The following CSMD1 variants were observed in gnomAD, a reference collection of about 807,000 sequenced individuals.
CSMD1 encodes CUB and Sushi multiple domains 1, also known as CUB and sushi domain-containing protein 1.
Under a neutral mutation model 417.5 loss-of-function variants are expected in CSMD1, and 213 were observed. The observed-to-expected ratio is 0.51, with a 90% CI of 0.46 to 0.57. The LOEUF is 0.57. Ranked by LOEUF, CSMD1 falls within the 20% of genes least tolerant of loss-of-function variation. CSMD1 has a pLI of 0.00. For missense variants in CSMD1, 6,923 were observed against 4,529.7 expected, an observed-to-expected ratio of 1.53 and a Z score of -15.17; for synonymous variants, 2,862 against 1,736.8, an observed-to-expected ratio of 1.65 and a Z score of -16.11.
At chr8:4,021,309 C>T (rs1384333988) in intron 4 of CSMD1, among the ~76,000 whole-genome samples, 1 of 152,204 alleles carries the variant, frequency 6.6e-6, no homozygotes. Flanking sequence ...ATGAGGTTGA[C>T]AAAATCCATT....
At chr8:3,949,122 T>C (rs1307376613) in intron 5 of CSMD1, among the ~76,000 whole-genome samples, 2 of 152,230 alleles carry the variant, frequency 1.3e-5, no homozygotes, top group African/African-American at 4.8e-5. Context: ...TATAATATTT[T>C]AAAATATGGA....
At chr8:3,500,271 A>T (rs887730125) in intron 10 of CSMD1, among the ~76,000 whole-genome samples, 1 of 152,086 alleles carries the variant, frequency 6.6e-6, no homozygotes, top group Non-Finnish European at 1.5e-5. Flanking sequence ...CCTCTTTGTG[A>T]AGGAGGAAAG....
Position 3,210,938 on chromosome 8 carries a change from C to T in CSMD1, c.4867+3559G>A, listed in dbSNP as rs1039798191. ...CTACTTTTATCTCCCTCACACTAGA[C>T]TCTATATAATTGCTAAAGATATCTG... On this transcript the variant is annotated intron_variant, in intron 30 of 69. Transcript: ENST00000635120. Among the ~76,000 whole-genome samples, 56 of 151,960 alleles carry T rather than the reference C, an allele frequency of 3.7e-4. 2 individuals are homozygous for T. The highest frequency in any genetic ancestry group is 1.4e-3 in the African/African-American group (56 of 41,312).
At chr8:3,807,857 C>A (rs1464640014) in intron 5 of CSMD1, among the ~76,000 whole-genome samples, 1 of 152,106 alleles carries the variant, frequency 6.6e-6, no homozygotes, top group East Asian at 1.9e-4. Flanking sequence ...ACTGTGCTCC[C>A]TTGGGGTAAT....
chr8:4,113,379 A>C (rs1801960974), intron 3 of CSMD1, among the ~76,000 whole-genome samples: 1 of 149,604 alleles, frequency 6.7e-6, no homozygotes, highest in Non-Finnish European at 1.5e-5. Context: ...TCTTCAAGGA[A>C]AATAAAAGGG....
chr8:4,141,141 C>T (rs1390673307), intron 3 of CSMD1, among the ~76,000 whole-genome samples: 1 of 151,128 alleles, frequency 6.6e-6, no homozygotes, highest in African/African-American at 2.5e-5. Context: ...CAAGAGAGCT[C>T]CAATAAGTAA....
At chr8:3,017,183 C>A (rs544161716) in intron 52 of CSMD1, among the ~76,000 whole-genome samples, 1 of 152,170 alleles carries the variant, frequency 6.6e-6, no homozygotes, top group East Asian at 1.9e-4. Flanking sequence ...TACTGTCAGA[C>A]GTGAGTGTCT....
chr8:4,531,346 C>T (rs1483871514), intron 2 of CSMD1, among the ~76,000 whole-genome samples: 1 of 152,156 alleles, frequency 6.6e-6, no homozygotes, highest in Non-Finnish European at 1.5e-5. Flanking sequence ...GCTTCAAGAA[C>T]AGAGTCTATA....
intron 2 of CSMD1, among the ~76,000 whole-genome samples, chr8:4,448,149 G>T (rs140446528): frequency 6.6e-6 from 1 of 152,054 alleles, no homozygotes; most frequent in South Asian, 2.1e-4. Flanking sequence ...TGTATCGCTC[G>T]TATCACCTCA....
At chr8:3,425,076 G>C (rs270069) in intron 12 of CSMD1, among the ~76,000 whole-genome samples, 114,224 of 152,114 alleles carry the variant, frequency 0.75, 43,088 homozygotes, top group South Asian at 0.82. Context: ...CTGGGCTCAA[G>C]CAATCCTCCT....
chr8:3,069,477 CA>C (rs1315337215), intron 49 of CSMD1, among the ~76,000 whole-genome samples: 2 of 151,980 alleles, frequency 1.3e-5, no homozygotes, highest in Non-Finnish European at 2.9e-5. Flanking sequence ...TTACATGCCC[CA>C]TTCAAGTTTG....
chr8:3,433,129 T>A (rs1437102920), intron 12 of CSMD1, among the ~76,000 whole-genome samples: 2 of 152,212 alleles, frequency 1.3e-5, no homozygotes, highest in Non-Finnish European at 2.9e-5. Context: ...GTTAGAAAGT[T>A]GCATTTTGAT....
chr8:3,165,466 C>G (rs910938566), intron 37 of CSMD1, among the ~76,000 whole-genome samples: 1 of 151,988 alleles, frequency 6.6e-6, no homozygotes, highest in Non-Finnish European at 1.5e-5. Flanking sequence ...GAGTCTCACT[C>G]TGTCGCCCAG....
chr8:3,792,000 C>A (rs1799771958), intron 5 of CSMD1, among the ~76,000 whole-genome samples: 2 of 141,094 alleles, frequency 1.4e-5, no homozygotes, highest in Non-Finnish European at 3.3e-5. Context: ...ATTTCTAATT[C>A]TTTTGTTTAC....
At chr8:3,549,546 T>C (rs1330816850) in intron 10 of CSMD1, among the ~76,000 whole-genome samples, 3 of 152,190 alleles carry the variant, frequency 2.0e-5, no homozygotes, top group African/African-American at 4.8e-5. Flanking sequence ...AATTCATTCA[T>C]GGATGAATGG....
At chr8:4,729,508 T>G (rs532163581) in intron 1 of CSMD1, among the ~76,000 whole-genome samples, 1 of 152,162 alleles carries the variant, frequency 6.6e-6, no homozygotes. Context: ...TTCTTTAAGG[T>G]GAATGAAATA....
chr8:3,723,264 C>G (rs1198896595), intron 6 of CSMD1, among the ~76,000 whole-genome samples: 4 of 152,104 alleles, frequency 2.6e-5, no homozygotes, highest in Admixed American at 6.6e-5. Context: ...GGGACTGTCC[C>G]AATTCGAATC....
At chr8:4,810,477 T>A (rs991914486) in intron 1 of CSMD1, among the ~76,000 whole-genome samples, 2 of 152,124 alleles carry the variant, frequency 1.3e-5, no homozygotes, top group African/African-American at 4.8e-5. Context: ...ACCCGAGTCA[T>A]GTTTGATGTT....
chr8:4,731,281 A>G (rs1471508623), intron 1 of CSMD1, among the ~76,000 whole-genome samples: 1 of 152,074 alleles, frequency 6.6e-6, no homozygotes, highest in African/African-American at 2.4e-5. Flanking sequence ...GTTAGAGGCC[A>G]CCTTCCTCAT....
Sources: allele counts gnomAD v4.1 joint callset (sites outside exome capture counted in the v4.1 genomes callset), GRCh38; gene constraint gnomAD v4.1.1; transcripts MANE v1.5; gene names NCBI Gene and HGNC (gene_info 2026-07-23, HGNC 2026-07-21).